The following TENM2 variants were observed in gnomAD, a reference collection of about 807,000 sequenced individuals.
TENM2 encodes teneurin-2.
TENM2 carries 52 observed loss-of-function variants against 245.2 expected under a neutral mutation model. The observed-to-expected ratio is 0.21, with a 90% CI of 0.17 to 0.27. The LOEUF is 0.27. Among genes scored for constraint, TENM2 ranks in the 10% least tolerant of loss-of-function variants. The pLI, the probability that TENM2 is intolerant of heterozygous loss-of-function variation, is 1.00. For synonymous variants in TENM2, 1,363 were observed against 1,438.9 expected (o/e 0.95, Z 1.19); for missense variants, 3,046 against 3,666.8 (o/e 0.83, Z 4.37).
rs75194093 is a variant in TENM2, at chr5:168,223,868, A to G, written c.5109-2220A>G. ...AACCACCATTAACATTTAAATGTCT[A>G]TATTTTCAGAGAATTTCTGCTCCAT... On this transcript the variant is annotated intron_variant, in intron 23 of 28. Coordinates refer to ENST00000518659, the Ensembl canonical transcript of TENM2. Among the ~76,000 whole-genome samples the G allele has an allele frequency of 5.3e-4, 81 of 152,166 alleles. 1 individual carries two copies. In the East Asian group the frequency reaches 6.6e-3, roughly 12 times the overall value.
chr5:167,481,958 G>T (rs1248647799), intron 2 of TENM2, among the ~76,000 whole-genome samples: 1 of 152,104 alleles, frequency 6.6e-6, no homozygotes, highest in Non-Finnish European at 1.5e-5. Context: ...TTCCTATCTA[G>T]ACCTTTACAG....
intron 2 of TENM2, among the ~76,000 whole-genome samples, chr5:167,572,474 T>A (rs1274975591): frequency 6.6e-6 from 1 of 152,208 alleles, no homozygotes; most frequent in Non-Finnish European, 1.5e-5. Flanking sequence ...ATTGCTTAAT[T>A]TCGAAGAGAT....
At chr5:167,616,337 G>A (rs1561604676) in intron 2 of TENM2, among the ~76,000 whole-genome samples, 1 of 152,098 alleles carries the variant, frequency 6.6e-6, no homozygotes, top group Non-Finnish European at 1.5e-5. Flanking sequence ...ATTTGATGGG[G>A]TGTGAACTGA....
the TENM2 span, among the ~76,000 whole-genome samples, chr5:167,152,368 A>G: frequency 7.2e-5 from 11 of 152,298 alleles, no homozygotes; most frequent in Admixed American, 2.6e-4. Flanking sequence ...TTATTATATG[A>G]AAGACTTTAT....
chr5:168,227,028 T>C (rs1764255803), intron 24 of TENM2, among the ~76,000 whole-genome samples: 1 of 152,222 alleles, frequency 6.6e-6, no homozygotes. Flanking sequence ...ATGTAGATTC[T>C]GTCCTTCTGC....
intron 1 of TENM2, among the ~76,000 whole-genome samples, chr5:167,336,888 C>T (rs375284787): frequency 3.3e-5 from 5 of 150,534 alleles, no homozygotes; most frequent in East Asian, 3.9e-4. Flanking sequence ...GAGGCCGAGG[C>T]GGGTGGATCA....
the TENM2 span, among the ~76,000 whole-genome samples, chr5:167,245,795 A>G: frequency 2.0e-5 from 3 of 152,212 alleles, no homozygotes; most frequent in South Asian, 4.1e-4. Context: ...CAAATGACAT[A>G]TAAAGGAGTA....
chr5:168,197,697 C>A (rs62383458), intron 15 of TENM2, among the ~76,000 whole-genome samples: 1 of 124,104 alleles, frequency 8.1e-6, no homozygotes, highest in African/African-American at 3.6e-5. Flanking sequence ...GAGACTCCAT[C>A]CCAAAAAAAA....
At chr5:167,066,854 A>C in the TENM2 span, among the ~76,000 whole-genome samples, 27 of 152,248 alleles carry the variant, frequency 1.8e-4, no homozygotes, top group African/African-American at 6.5e-4. Context: ...TTCTTCAAAA[A>C]TGGTATTTTG....
intron 14 of TENM2, 87 bp from the exon 17 acceptor site, chr5:168,195,089 A>G: frequency 6.8e-7 from 1 of 1,471,962 alleles, no homozygotes; most frequent in Non-Finnish European, 9.3e-7. Flanking sequence ...CTGAGGGACC[A>G]GATGAGGATG....
At chr5:167,102,402 T>C in the TENM2 span, among the ~76,000 whole-genome samples, 1 of 152,174 alleles carries the variant, frequency 6.6e-6, no homozygotes, top group East Asian at 1.9e-4. Flanking sequence ...TGTGGCCTAA[T>C]GCTTATATAA....
intron 2 of TENM2, among the ~76,000 whole-genome samples, chr5:167,754,075 T>TA (rs955226304): frequency 6.6e-6 from 1 of 151,944 alleles, no homozygotes; most frequent in East Asian, 1.9e-4. Context: ...GACATTCCCT[T>TA]AAAAAAAAGA....
At chr5:167,325,943 G>A (rs942955952) in intron 1 of TENM2, among the ~76,000 whole-genome samples, 1 of 152,162 alleles carries the variant, frequency 6.6e-6, no homozygotes, top group Non-Finnish European at 1.5e-5. Context: ...ATGGCATAGA[G>A]AGAGTAACTT....
rs1052176984 is a variant in TENM2, at chr5:167,910,157, G to A, written c.712+33962G>A. On this transcript the variant is annotated intron_variant, in intron 3 of 28. Coordinates refer to ENST00000518659, the Ensembl canonical transcript of TENM2. ...ATTATCTTCATTTTGGCAGATACAG[G>A]CACATGTGCTACACACTTCTCATTC... Among the ~76,000 whole-genome samples the A allele has an allele frequency of 2.6e-5, 4 of 152,086 alleles. No individual in the cohort carries two copies. In the East Asian group the frequency reaches 7.7e-4, roughly 29 times the overall value.
chr5:167,289,045 T>C (rs1754482405), intron 1 of TENM2, among the ~76,000 whole-genome samples: 1 of 152,216 alleles, frequency 6.6e-6, no homozygotes, highest in East Asian at 1.9e-4. Flanking sequence ...ATCTAATTCC[T>C]GTTCTCATCC....
intron 3 of TENM2, among the ~76,000 whole-genome samples, chr5:167,899,138 T>G (rs1406122319): frequency 1.3e-5 from 2 of 151,878 alleles, no homozygotes; most frequent in Non-Finnish European, 1.5e-5. Flanking sequence ...AAGAAGAGCA[T>G]TTGCTGAAAA....
chr5:168,178,980 C>G (rs1420503791), intron 13 of TENM2, among the ~76,000 whole-genome samples: 1 of 151,966 alleles, frequency 6.6e-6, no homozygotes, highest in Non-Finnish European at 1.5e-5. Context: ...ACTAAAAATA[C>G]AAAAGTTAGC....
chr5:167,900,863 G>A (rs1583316111), intron 3 of TENM2, among the ~76,000 whole-genome samples: 1 of 151,348 alleles, frequency 6.6e-6, no homozygotes, highest in South Asian at 2.1e-4. Context: ...GCCTTGAGAG[G>A]AGACAGCAGT....
intron 2 of TENM2, among the ~76,000 whole-genome samples, chr5:167,546,751 A>G (rs763657477): frequency 6.6e-6 from 1 of 152,196 alleles, no homozygotes. Flanking sequence ...ACAACCAAGC[A>G]TCAGATATTC....
Sources: gnomAD v4.1 joint callset for allele counts (sites outside exome capture counted in the v4.1 genomes callset) on GRCh38, gnomAD v4.1.1 for gene constraint, MANE v1.5 for transcripts, NCBI Gene and HGNC (gene_info 2026-07-23, HGNC 2026-07-21) for gene names.